Variants in ARHGEF38 observed in about 807,000 individuals in gnomAD.
The protein encoded by ARHGEF38 is Rho guanine nucleotide exchange factor 38, also known as Rho guanine nucleotide exchange factor (GEF) 38.
Under a neutral mutation model 79.9 loss-of-function variants are expected in ARHGEF38, and 79 were observed. That is an observed-to-expected ratio of 0.99 (90% CI 0.82 to 1.19). The LOEUF (loss-of-function observed/expected upper bound fraction) is 1.19, where lower values mean the gene tolerates loss of function less well. Among genes scored for constraint, ARHGEF38 ranks in the 50% most tolerant of loss-of-function variants. ARHGEF38 has a pLI of 0.00. For synonymous variants in ARHGEF38, 366 were observed against 328.3 expected (o/e 1.11, Z -1.24); for missense variants, 962 against 907.2 (o/e 1.06, Z -0.78).
chr4:105,674,095 A>G (rs1401104369), intron 13 of ARHGEF38, among the ~76,000 whole-genome samples: 1 of 152,156 alleles, frequency 6.6e-6, no homozygotes, highest in Non-Finnish European at 1.5e-5. Flanking sequence ...CTCACGGAGG[A>G]AGGAAAAATC....
intron 6 of ARHGEF38, 124 bp from the exon 7 acceptor site, chr4:105,648,425 A>G: frequency 1.1e-6 from 1 of 884,396 alleles, no homozygotes; most frequent in South Asian, 2.4e-5. Context: ...CCTCTGCAGC[A>G]GAGGCTCAAA....
chr4:105,555,735 TA>T (rs1413690193), intron 1 of ARHGEF38, among the ~76,000 whole-genome samples: 1 of 152,174 alleles, frequency 6.6e-6, no homozygotes, highest in East Asian at 1.9e-4. Flanking sequence ...TTCAATGCTA[TA>T]TTACCTGAGT....
intron 2 of ARHGEF38, 114 bp from the exon 3 acceptor site, chr4:105,613,270 G>T (rs75619397): frequency 9.9e-7 from 1 of 1,011,916 alleles, no homozygotes; most frequent in Non-Finnish European, 1.3e-6. Flanking sequence ...AATGTTAACA[G>T]AAATGGTTAA....
chr4:105,584,395 C>G (rs777188366), intron 1 of ARHGEF38, among the ~76,000 whole-genome samples: 5 of 152,106 alleles, frequency 3.3e-5, no homozygotes, highest in Non-Finnish European at 5.9e-5. Flanking sequence ...CAGTATAATG[C>G]CAGGCACTGT....
chr4:105,635,894 A>G (rs888930189), intron 4 of ARHGEF38, among the ~76,000 whole-genome samples: 5 of 152,092 alleles, frequency 3.3e-5, no homozygotes, highest in Non-Finnish European at 5.9e-5. Context: ...CAATTCACTC[A>G]TATAGCATGT....
At chr4:105,557,507 A>C (rs1725306690) in intron 1 of ARHGEF38, among the ~76,000 whole-genome samples, 1 of 151,812 alleles carries the variant, frequency 6.6e-6, no homozygotes, top group South Asian at 2.1e-4. Flanking sequence ...TGTGAAACCT[A>C]ATCCCCAATG....
In ARHGEF38 at chr4:105,679,978, T is replaced by C. The variant is rs1403472287; in HGVS notation, c.*2041T>C. On this transcript the variant is annotated 3_prime_UTR_variant, in exon 14 of 14. Coordinates refer to ENST00000420470, the MANE Select transcript of ARHGEF38 (RefSeq NM_001242729.2). ...TCTTTGTGACTGTGCAATGTCCCCA[T>C]GTAAACACAGTGCATTCTGTTTTGT... 1 of 1,297,950 alleles carries C rather than the reference T, an allele frequency of 7.7e-7. No homozygotes were observed. The highest frequency in any genetic ancestry group is 1.1e-6 in the Non-Finnish European group (1 of 897,214). The allele number at this position is 1,297,950 out of a possible 1,614,324, so 80.4% of individuals were successfully genotyped here. A position where few individuals can be genotyped will look rare whatever the true frequency, so the allele number is the denominator to read the frequency against.
At chr4:105,581,740 A>G (rs1726798843) in intron 1 of ARHGEF38, among the ~76,000 whole-genome samples, 1 of 152,116 alleles carries the variant, frequency 6.6e-6, no homozygotes, top group African/African-American at 2.4e-5. Context: ...AAACCTATTA[A>G]GTACCCTTTT....
At chr4:105,604,762 C>T (rs1433923942) in intron 2 of ARHGEF38, among the ~76,000 whole-genome samples, 6 of 152,118 alleles carry the variant, frequency 3.9e-5, no homozygotes, top group African/African-American at 1.4e-4. Context: ...CACATTCACA[C>T]ACACCCTCAC....
intron 1 of ARHGEF38, among the ~76,000 whole-genome samples, chr4:105,582,144 G>A (rs1434521734): frequency 1.0e-4 from 13 of 129,786 alleles, no homozygotes; most frequent in African/African-American, 3.1e-4. Flanking sequence ...CAGCCTGGGC[G>A]ACAGAGCTAG....
At position 105,561,459 on chromosome 4, in the gene ARHGEF38, A is replaced by AGAATG. The variant is rs1578253520; in HGVS notation, c.196+8502_196+8503insGGAAT. 4.4e-3 allele frequency: 166 copies of AGAATG among 38,010 alleles called. 1 individual carries two copies. Among genetic ancestry groups the AGAATG allele is most frequent in the Middle Eastern group, 0.013 (1 of 76 alleles). The allele number at this position is 38,010 out of a possible 1,614,324, so 2.4% of individuals were successfully genotyped here. On this transcript the variant is annotated intron_variant, in intron 1 of 13. Coordinates refer to ENST00000420470, the MANE Select transcript of ARHGEF38 (RefSeq NM_001242729.2). Reference sequence around the variant, plus strand: ...AGAATAGAATAGAATGGAATAGAATAGAATAGAATAGAATAGAATAGAATA... The same window carrying AGAATG: ...AGAATAGAATAGAATGGAATAGAATAGAATGGAATAGAATAGAATAGAATAGAATA...
At chr4:105,566,238 C>A (rs1243132705) in intron 1 of ARHGEF38, among the ~76,000 whole-genome samples, 1 of 152,150 alleles carries the variant, frequency 6.6e-6, no homozygotes, top group African/African-American at 2.4e-5. Flanking sequence ...TGCCACCAAG[C>A]CTTTAAATAT....
chr4:105,669,893 A>G (rs1395188100), intron 13 of ARHGEF38, among the ~76,000 whole-genome samples: 1 of 152,152 alleles, frequency 6.6e-6, no homozygotes, highest in East Asian at 1.9e-4. Context: ...ATTGTACAAT[A>G]TGTGGTGTTT....
At chr4:105,681,862 A>G (rs945474782), downstream of ARHGEF38, among the ~76,000 whole-genome samples, 31 of 152,224 alleles carry the variant, frequency 2.0e-4, no homozygotes, top group Admixed American at 1.9e-3. Context: ...GTAAAGTGCT[A>G]TAACATTTTG....
At chr4:105,593,675 A>G (rs1478957631) in intron 2 of ARHGEF38, among the ~76,000 whole-genome samples, 4 of 152,242 alleles carry the variant, frequency 2.6e-5, no homozygotes, top group African/African-American at 9.6e-5. Flanking sequence ...ATAATCTGCT[A>G]CATTGGTGAG....
chr4:105,608,320 T>A (rs1256583405), intron 2 of ARHGEF38, among the ~76,000 whole-genome samples: 1 of 152,046 alleles, frequency 6.6e-6, no homozygotes, highest in Admixed American at 6.6e-5. Flanking sequence ...ATGATAGTGA[T>A]ATTGAGCATT....
downstream of ARHGEF38, among the ~76,000 whole-genome samples, chr4:105,682,185 A>C (rs755161854): frequency 3.2e-4 from 49 of 152,342 alleles, no homozygotes; most frequent in Middle Eastern, 0.01. Flanking sequence ...AAAGGTAAAG[A>C]TATAATATGA....
intron 11 of ARHGEF38, 127 bp downstream of exon 11, chr4:105,666,447 T>C: frequency 9.0e-7 from 1 of 1,111,376 alleles, no homozygotes; most frequent in South Asian, 2.2e-5. Context: ...ATGTGTAGAA[T>C]TTCTTGTACA....
At chr4:105,646,315 T>C (rs767023453) in intron 6 of ARHGEF38, among the ~76,000 whole-genome samples, 1 of 152,192 alleles carries the variant, frequency 6.6e-6, no homozygotes, top group Non-Finnish European at 1.5e-5. Flanking sequence ...GTCCAGACTA[T>C]ATAATCACTG....
Sources: allele counts gnomAD v4.1 joint callset (sites outside exome capture counted in the v4.1 genomes callset), GRCh38; gene constraint gnomAD v4.1.1; transcripts MANE v1.5; gene names NCBI Gene and HGNC (gene_info 2026-07-23, HGNC 2026-07-21).